Variants in CCDC40 observed in about 807,000 individuals in gnomAD.
CCDC40 encodes coiled-coil domain-containing protein 40.
Under a neutral mutation model 124.5 loss-of-function variants are expected in CCDC40, and 104 were observed. That is an observed-to-expected ratio of 0.84 (90% CI 0.71 to 0.98). CCDC40 has a LOEUF of 0.98. Ranked by LOEUF, CCDC40 falls within the 50% of genes least tolerant of loss-of-function variation. CCDC40 has a pLI of 0.00. For missense variants in CCDC40, 1,463 were observed against 1,503.9 expected (o/e 0.97, Z 0.45); for synonymous variants, 580 against 602.9 (o/e 0.96, Z 0.56).
rs2289534 is a variant in CCDC40 at position 80,065,820 on chromosome 17, G to A, written c.1562+214G>A. On this transcript the variant is annotated intron_variant, in intron 10 of 19. Coordinates refer to ENST00000397545, the MANE Select transcript of CCDC40 (RefSeq NM_017950.4). ...TTTCCAACACTGCGGCGCTGGGAGG[G>A]GAGAGGCTTTTCTGCTCAGATTTCC... 0.18 allele frequency among the ~76,000 whole-genome samples: 27,927 copies of A among 152,260 alleles called. 3,158 individuals are homozygous for A. Among genetic ancestry groups the A allele is most frequent in the East Asian group, 0.37 (1,931 of 5,174 alleles).
At chr17:80,050,976 G>C (rs978566139) in intron 7 of CCDC40, among the ~76,000 whole-genome samples, 4 of 152,222 alleles carry the variant, frequency 2.6e-5, no homozygotes, top group South Asian at 2.1e-4. Flanking sequence ...ACCGCCGTAG[G>C]ATGTGTGCGG....
At chr17:80,096,883 T>C (rs58449684) in intron 18 of CCDC40, among the ~76,000 whole-genome samples, 19,951 of 152,056 alleles carry the variant, frequency 0.13, 1,628 homozygotes, top group African/African-American at 0.23. Flanking sequence ...GCCCCCACCC[T>C]CCTCTCTCCC....
intron 7 of CCDC40, among the ~76,000 whole-genome samples, chr17:80,054,518 G>A (rs1177224906): frequency 2.0e-5 from 3 of 152,106 alleles, no homozygotes; most frequent in South Asian, 2.1e-4. Flanking sequence ...GGCTGCAAAC[G>A]CTGACAGCAT....
At position 80,099,658 on chromosome 17, in the gene CCDC40, G is replaced by T; in HGVS notation, c.3312G>T (p.Leu1104=). The T allele has an allele frequency of 6.2e-7, 1 of 1,613,876 alleles. No homozygotes were observed. The highest frequency in any genetic ancestry group is 8.5e-7 in the Non-Finnish European group (1 of 1,180,014). Residue 1104 remains leucine, a synonymous_variant, in exon 20 of 20, where the codon CTG becomes CTT. Transcript: ENST00000397545. ...AGCGCCAGCGCCTGGACAAGCGACT[G>T]GCTCTCATCGCCACCATCCTGGACC... The part of the protein sequence containing the change: ...VLERQRLDKR[L]ALIATILDRV...
At chr17:80,089,621 C>T in intron 16 of CCDC40, 143 bp from the exon 17 acceptor site, 1 of 986,210 alleles carries the variant, frequency 1.0e-6, no homozygotes, top group Non-Finnish European at 1.6e-6. Flanking sequence ...ACACTTCAGG[C>T]TTTGAGAGCC....
chr17:80,082,458 T>C (rs1340512950), intron 12 of CCDC40, among the ~76,000 whole-genome samples: 1 of 151,766 alleles, frequency 6.6e-6, no homozygotes, highest in South Asian at 2.1e-4. Context: ...AATTGTTTTT[T>C]CTTTGCCTCT....
intron 16 of CCDC40, among the ~76,000 whole-genome samples, chr17:80,088,697 C>T (rs1296581338): frequency 6.6e-6 from 1 of 152,182 alleles, no homozygotes. Context: ...GTCCCAGCTA[C>T]TCGGGAGGCT....
In CCDC40 at chr17:80,082,449, A is replaced by G. The variant is rs546664329; in HGVS notation, c.1989+391A>G. ...TTAGAAAAAACAATTCCTTACTTGA[A>G]TTGTTTTTTCTTTGCCTCTTCCCGA... On this transcript the variant is annotated intron_variant, in intron 12 of 19. Coordinates refer to ENST00000397545, the MANE Select transcript of CCDC40 (RefSeq NM_017950.4). 3.3e-5 allele frequency among the ~76,000 whole-genome samples: 5 copies of G among 151,268 alleles called. No individual in the cohort carries two copies. In the South Asian group the frequency reaches 1.0e-3, roughly 32 times the overall value.
intron 17 of CCDC40, among the ~76,000 whole-genome samples, chr17:80,093,374 G>A (rs1329947062): frequency 6.6e-6 from 1 of 151,950 alleles, no homozygotes; most frequent in Non-Finnish European, 1.5e-5. Context: ...GTAGAGATGG[G>A]GTTTCACCAT....
chr17:80,054,426 T>C (rs1012315898), intron 7 of CCDC40, among the ~76,000 whole-genome samples: 21 of 152,298 alleles, frequency 1.4e-4, no homozygotes, highest in African/African-American at 5.1e-4. Flanking sequence ...GAACAAACAC[T>C]TCCTGTGTTA....
In CCDC40 at chr17:80,066,416, A is replaced by G. The variant is rs1305336796; in HGVS notation, c.1562+810A>G. 3.7e-6 allele frequency: 2 copies of G among 539,508 alleles called. No homozygotes were observed. Among genetic ancestry groups the G allele is most frequent in the African/African-American group, 1.9e-5 (1 of 52,026 alleles). The allele number at this position is 539,508 out of a possible 1,614,324, so 33.4% of individuals were successfully genotyped here. A position where few individuals can be genotyped will look rare whatever the true frequency, so the allele number is the denominator to read the frequency against. On this transcript the variant is annotated intron_variant, in intron 10 of 19. Coordinates refer to ENST00000397545, the MANE Select transcript of CCDC40 (RefSeq NM_017950.4). This position sits in a 1 kb window ranked among gnomAD's most constrained non-coding sequence, Gnocchi z 4.4. ...ACAAAATGAAACCATTTTGTTTTTA[A>G]AAGTTTTTAGACCAAAACATTTTCA...
In CCDC40 at chr17:80,058,592, C is replaced by T. The variant is rs770957455; in HGVS notation, c.1258C>T (p.Gln420Ter). ...DMRDDIRVMT[Q>*]VVKKAETERI... ...GCGTGACGACATCCGCGTGATGACA[C>T]AAGTGGTAAAGAAGGCCGAGACGGA... Residue 420 changes from glutamine to a stop codon, truncating the protein, a stop_gained, in exon 8 of 20, where the codon CAA (glutamine) becomes TAA (stop). Coordinates refer to ENST00000397545, the MANE Select transcript of CCDC40 (RefSeq NM_017950.4). LOFTEE classifies it high-confidence loss of function. The surrounding 1 kb of genome is among the most constrained non-coding windows in gnomAD (Gnocchi z 4.2). 2 of 1,614,060 alleles carry T rather than the reference C, an allele frequency of 1.2e-6. No homozygotes were observed. The highest frequency in any genetic ancestry group is 1.3e-5 in the African/African-American group (1 of 74,920).
chr17:80,064,304 C>T (rs988598468), intron 9 of CCDC40, among the ~76,000 whole-genome samples: 8 of 152,192 alleles, frequency 5.3e-5, no homozygotes, highest in Non-Finnish European at 1.2e-4. Flanking sequence ...GGTGTCACGG[C>T]GTGCAGGCAC....
At chr17:80,046,788 A>G (rs1217883603) in intron 3 of CCDC40, among the ~76,000 whole-genome samples, 1 of 152,138 alleles carries the variant, frequency 6.6e-6, no homozygotes, top group Non-Finnish European at 1.5e-5. Context: ...CCCTTTAGGG[A>G]AATTTCAATA....
intron 10 of CCDC40, among the ~76,000 whole-genome samples, chr17:80,072,872 T>C (rs1280310437): frequency 1.3e-5 from 2 of 152,238 alleles, no homozygotes; most frequent in African/African-American, 4.8e-5. Flanking sequence ...AGAAAGCTGC[T>C]GTGGCTGTCC....
intron 9 of CCDC40, among the ~76,000 whole-genome samples, chr17:80,061,626 G>T (rs538949704): frequency 1.3e-5 from 2 of 152,164 alleles, no homozygotes; most frequent in Admixed American, 1.3e-4. Flanking sequence ...GGGGCCGCCC[G>T]CACTTCCTTC....
At chr17:80,040,554 C>G in intron 3 of CCDC40, 1 of 430,182 alleles carries the variant, frequency 2.3e-6, no homozygotes, top group Non-Finnish European at 4.3e-6. Context: ...TGGCGCACGC[C>G]TGTAATCCCA....
At chr17:80,092,965 T>C (rs2038747783) in intron 17 of CCDC40, among the ~76,000 whole-genome samples, 1 of 152,198 alleles carries the variant, frequency 6.6e-6, no homozygotes, top group Non-Finnish European at 1.5e-5. Flanking sequence ...GGTTAATTTT[T>C]TTTGCATTTG....
At chr17:80,068,520 G>C (rs2038108125) in intron 10 of CCDC40, among the ~76,000 whole-genome samples, 1 of 152,290 alleles carries the variant, frequency 6.6e-6, no homozygotes, top group South Asian at 2.1e-4. Flanking sequence ...TGCAGTGACT[G>C]AACTATACCT....
Sources: allele counts gnomAD v4.1 joint callset (sites outside exome capture counted in the v4.1 genomes callset), GRCh38; gene constraint gnomAD v4.1.1; non-coding constraint Gnocchi (gnomAD v3.1); transcripts MANE v1.5; gene names NCBI Gene and HGNC (gene_info 2026-07-23, HGNC 2026-07-21).